The following MSH4 variants were observed in gnomAD, a reference collection of about 807,000 sequenced individuals.
MSH4 encodes mutS protein homolog 4.
Under a neutral mutation model 113.7 loss-of-function variants are expected in MSH4, and 106 were observed. The observed-to-expected ratio is 0.93, with a 90% CI of 0.80 to 1.10. The LOEUF (loss-of-function observed/expected upper bound fraction) is 1.10, where lower values mean the gene tolerates loss of function less well. Ranked by LOEUF, MSH4 falls within the 50% of genes least tolerant of loss-of-function variation. MSH4 has a pLI of 0.00. For missense variants in MSH4, 1,061 were observed against 1,093.7 expected, an observed-to-expected ratio of 0.97 and a Z score of 0.42; for synonymous variants, 368 against 380.2, an observed-to-expected ratio of 0.97 and a Z score of 0.37.
At chr1:75,860,348 T>G (rs35290302) in intron 8 of MSH4, among the ~76,000 whole-genome samples, 1 of 152,044 alleles carries the variant, frequency 6.6e-6, no homozygotes, top group African/African-American at 2.4e-5. Flanking sequence ...ATGCAGTTTT[T>G]CCATAGCATT....
intron 17 of MSH4, among the ~76,000 whole-genome samples, chr1:75,894,878 T>C (rs1311827833): frequency 2.0e-5 from 3 of 152,148 alleles, no homozygotes; most frequent in Non-Finnish European, 2.9e-5. Context: ...GGAAAGGTTT[T>C]CCAGAAGGCT....
intron 8 of MSH4, among the ~76,000 whole-genome samples, chr1:75,859,118 A>C (rs896871814): frequency 2.0e-5 from 3 of 152,110 alleles, no homozygotes; most frequent in Non-Finnish European, 4.4e-5. Flanking sequence ...TATCCACTTT[A>C]TCATTTTTTA....
chr1:75,813,468 A>C (rs1650230522), intron 4 of MSH4, among the ~76,000 whole-genome samples: 2 of 152,162 alleles, frequency 1.3e-5, no homozygotes, highest in Non-Finnish European at 2.9e-5. Context: ...CAAGACACTT[A>C]ACTTCTTGGA....
intron 14 of MSH4, among the ~76,000 whole-genome samples, chr1:75,882,405 A>G (rs1170151950): frequency 6.6e-6 from 1 of 151,890 alleles, no homozygotes; most frequent in African/African-American, 2.4e-5. Context: ...TGGTTTTCAC[A>G]TATGCTTTCA....
At chr1:75,830,970 C>T (rs983686164) in intron 7 of MSH4, among the ~76,000 whole-genome samples, 5 of 152,118 alleles carry the variant, frequency 3.3e-5, no homozygotes, top group African/African-American at 4.8e-5. Flanking sequence ...GGGCTAAATG[C>T]TCCAATTAAA....
chr1:75,816,021 A>G (rs1212242105), intron 5 of MSH4, among the ~76,000 whole-genome samples: 5 of 152,090 alleles, frequency 3.3e-5, no homozygotes, highest in Admixed American at 3.3e-4. Context: ...ATAAATAAAT[A>G]AATAAAGTAT....
chr1:75,804,579 C>T (rs912510271), intron 2 of MSH4, among the ~76,000 whole-genome samples: 1 of 138,550 alleles, frequency 7.2e-6, no homozygotes, highest in Non-Finnish European at 1.5e-5. Context: ...GGTGTGATCT[C>T]GACTCACTGC....
rs151184216 is a variant in MSH4 at position 75,841,713 on chromosome 1, T to A, written c.1163-6496T>A. On this transcript the variant is annotated intron_variant, in intron 7 of 19. Coordinates refer to ENST00000263187, the MANE Select transcript of MSH4 (RefSeq NM_002440.4). ...CTGATCAAATCCTATTTTAGAAACA[T>A]TCTGGTTGTAGTGATAGATTTGGGG... Among the ~76,000 whole-genome samples, 12 of 152,166 alleles carry A rather than the reference T, an allele frequency of 7.9e-5. No individual in the cohort carries two copies. In the East Asian group the frequency reaches 2.3e-3, roughly 29 times the overall value.
At chr1:75,817,374 C>A (rs373671348) in intron 6 of MSH4, among the ~76,000 whole-genome samples, 6 of 7,754 alleles carry the variant, frequency 7.7e-4, no homozygotes, top group Non-Finnish European at 3.2e-3. Flanking sequence ...TAAAATTACT[C>A]TGTCTTTGAC....
At chr1:75,851,887 A>C (rs1651196644) in intron 8 of MSH4, among the ~76,000 whole-genome samples, 1 of 152,222 alleles carries the variant, frequency 6.6e-6, no homozygotes, top group Non-Finnish European at 1.5e-5. Flanking sequence ...GTAATTACAT[A>C]GATTACAATT....
intron 7 of MSH4, among the ~76,000 whole-genome samples, chr1:75,834,292 G>A (rs1650777986): frequency 6.6e-6 from 1 of 152,216 alleles, no homozygotes; most frequent in Admixed American, 6.5e-5. Context: ...AAGTGCTGGA[G>A]AGGATGTGGA....
chr1:75,858,929 C>T (rs1174434361), intron 8 of MSH4, among the ~76,000 whole-genome samples: 1 of 152,150 alleles, frequency 6.6e-6, no homozygotes, highest in Non-Finnish European at 1.5e-5. Flanking sequence ...TTAATTATTG[C>T]CTCAATTTCA....
At chr1:75,874,064 T>C (rs1179278483) in intron 9 of MSH4, among the ~76,000 whole-genome samples, 1 of 152,172 alleles carries the variant, frequency 6.6e-6, no homozygotes. Context: ...TTCTTCTTTC[T>C]CTACAAGCTC....
At chr1:75,873,089 G>A (rs1334736719) in intron 9 of MSH4, among the ~76,000 whole-genome samples, 1 of 152,182 alleles carries the variant, frequency 6.6e-6, no homozygotes, top group Non-Finnish European at 1.5e-5. Flanking sequence ...TGTTTTCAAG[G>A]AGTGAATTTC....
At chr1:75,845,923 G>A (rs891185186) in intron 7 of MSH4, among the ~76,000 whole-genome samples, 5 of 152,174 alleles carry the variant, frequency 3.3e-5, no homozygotes, top group African/African-American at 9.7e-5. Context: ...TTAGGCAGAA[G>A]CCACCATGGC....
In MSH4 at chr1:75,881,271, A is replaced by G. The variant is rs201768140; in HGVS notation, c.1807A>G (p.Ile603Val). 2 of 1,607,500 alleles carry G rather than the reference A, an allele frequency of 1.2e-6. No homozygotes were observed. The highest frequency in any genetic ancestry group is 1.7e-6 in the Non-Finnish European group (2 of 1,175,396). ...GATAGTGTGCAAACTGCTTAGTGAG[A>G]TTTATGAACATATTCATTGCTTATA... ...YMIVCKLLSE[I>V]YEHIHCLYKL... The change falls in exon 14 of 20, where the codon ATT becomes GTT. Residue 603 changes from isoleucine to valine, a missense_variant. Coordinates refer to ENST00000263187, the MANE Select transcript of MSH4 (RefSeq NM_002440.4).
intron 1 of MSH4, among the ~76,000 whole-genome samples, chr1:75,799,841 A>G (rs936240617): frequency 1.3e-5 from 2 of 152,154 alleles, no homozygotes; most frequent in African/African-American, 4.8e-5. Flanking sequence ...TAGGCAAAGC[A>G]AATTTTAGAG....
rs1651885533 is a variant in MSH4, at chr1:75,879,492, T to G, written c.1677+364T>G. Among the ~76,000 whole-genome samples, 2 of 152,208 alleles carry G rather than the reference T, an allele frequency of 1.3e-5. 1 individual carries two copies. The highest frequency in any genetic ancestry group is 2.9e-5 in the Non-Finnish European group (2 of 68,032). ...CTACTTAACTTTTAAAAATCTAATA[T>G]TTCCAAACCTTTGTACCACAGGAAT... On this transcript the variant is annotated intron_variant, in intron 12 of 19. Transcript: ENST00000263187.
At chr1:75,893,843 C>T (rs1652314091) in intron 17 of MSH4, among the ~76,000 whole-genome samples, 1 of 152,140 alleles carries the variant, frequency 6.6e-6, no homozygotes, top group South Asian at 2.1e-4. Context: ...GCCAGGTGTG[C>T]ATTTAATGTT....
Sources: gnomAD v4.1 joint callset for allele counts (sites outside exome capture counted in the v4.1 genomes callset) on GRCh38, gnomAD v4.1.1 for gene constraint, MANE v1.5 for transcripts, NCBI Gene and HGNC (gene_info 2026-07-23, HGNC 2026-07-21) for gene names.